Variants in FGF7 observed in about 807,000 individuals in gnomAD.
The protein encoded by FGF7 is FGF-7.
In FGF7, 6 loss-of-function variants were observed where a neutral mutation model predicts 20.5. The ratio of observed to expected loss-of-function variants is 0.29; its 90% CI spans 0.16 to 0.58. The LOEUF is 0.58. Ranked by LOEUF, FGF7 falls within the 20% of genes least tolerant of loss-of-function variation. FGF7 has a pLI of 0.90. For synonymous variants in FGF7, 64 were observed against 74.7 expected (o/e 0.86, Z 0.74); for missense variants, 144 against 228.8 (o/e 0.63, Z 2.39).
chr15:49,443,126 T>C (rs1346373405), intron 2 of FGF7, among the ~76,000 whole-genome samples: 2 of 151,838 alleles, frequency 1.3e-5, no homozygotes, highest in African/African-American at 2.4e-5. Context: ...CTCCTTGTAC[T>C]GGTCCATGAG....
chr15:49,477,765 T>C (rs1219754922), intron 2 of FGF7, among the ~76,000 whole-genome samples: 2 of 152,250 alleles, frequency 1.3e-5, no homozygotes, highest in Non-Finnish European at 2.9e-5. Flanking sequence ...TGTCTTCCCA[T>C]GTGACTGCAC....
At position 49,472,223 on chromosome 15, in the gene FGF7, T is replaced by A. The variant is rs563267094; in HGVS notation, c.287-10928T>A. 3.3e-5 allele frequency among the ~76,000 whole-genome samples: 5 copies of A among 152,304 alleles called. No individual in the cohort carries two copies. In the South Asian group the frequency reaches 1.0e-3, roughly 32 times the overall value. On this transcript the variant is annotated intron_variant, in intron 2 of 3. Coordinates refer to ENST00000267843, the MANE Select transcript of FGF7 (RefSeq NM_002009.4). ...ATTCAGTTTGGCTTAAAAAATTGTTTATTTCTCCATGCAATAAACATCTGG... is the reference window on the plus strand; with the variant it reads ...ATTCAGTTTGGCTTAAAAAATTGTTAATTTCTCCATGCAATAAACATCTGG...
At chr15:49,470,448 T>C (rs1453932291) in intron 2 of FGF7, among the ~76,000 whole-genome samples, 1 of 152,164 alleles carries the variant, frequency 6.6e-6, no homozygotes. Flanking sequence ...GATTTTCTTA[T>C]GCCAAATTTA....
intron 2 of FGF7, among the ~76,000 whole-genome samples, chr15:49,468,249 T>C: frequency 6.6e-6 from 1 of 152,152 alleles, no homozygotes; most frequent in Non-Finnish European, 1.5e-5. Context: ...TCCCTAATAA[T>C]GAGGATGATG....
In FGF7 at chr15:49,482,288, T is replaced by C. The variant is rs567518592; in HGVS notation, c.287-863T>C. ...TAAAACACAGGATTTAAGGAAGATA[T>C]ATATAATAAAGGAAAATAGTAAGTT... is the stretch of plus-strand genomic sequence containing the variant. On this transcript the variant is annotated intron_variant, in intron 2 of 3. Transcript: ENST00000267843. Among the ~76,000 whole-genome samples the C allele has an allele frequency of 3.3e-5, 5 of 152,224 alleles. No individual in the cohort carries two copies. In the South Asian group the frequency reaches 6.2e-4, roughly 19 times the overall value.
intron 2 of FGF7, among the ~76,000 whole-genome samples, chr15:49,476,658 C>T (rs542248671): frequency 2.3e-4 from 35 of 152,108 alleles, no homozygotes; most frequent in East Asian, 1.5e-3. Flanking sequence ...TGTAAAATGT[C>T]GGTACAAATA....
At chr15:49,482,133 G>C (rs1163186192) in intron 2 of FGF7, among the ~76,000 whole-genome samples, 2 of 152,080 alleles carry the variant, frequency 1.3e-5, no homozygotes, top group Non-Finnish European at 2.9e-5. Flanking sequence ...ATAGGTAAAA[G>C]AATGTCTCAG....
chr15:49,475,857 G>A lies in FGF7; in HGVS notation c.287-7294G>A, dbSNP rs188937940. 3.3e-3 allele frequency among the ~76,000 whole-genome samples: 506 copies of A among 152,168 alleles called. 1 individual carries two copies. Among genetic ancestry groups the A allele is most frequent in the Non-Finnish European group, 3.2e-3 (218 of 68,002 alleles). On this transcript the variant is annotated intron_variant, in intron 2 of 3. Coordinates refer to ENST00000267843, the MANE Select transcript of FGF7 (RefSeq NM_002009.4). ...ACAAAAATTAGGCGGTCGTGGTGGC[G>A]CATGCCTGTAATTGCAGCTACAAGG...
chr15:49,482,292 T>C (rs2056023544), intron 2 of FGF7, among the ~76,000 whole-genome samples: 1 of 152,074 alleles, frequency 6.6e-6, no homozygotes, highest in Non-Finnish European at 1.5e-5. Context: ...AAGATATATA[T>C]AATAAAGGAA....
intron 2 of FGF7, among the ~76,000 whole-genome samples, chr15:49,474,521 C>G (rs2055064753): frequency 6.6e-6 from 1 of 151,716 alleles, no homozygotes; most frequent in Admixed American, 6.6e-5. Flanking sequence ...ACAAAACAGT[C>G]AATAAAAGGT....
intron 2 of FGF7, among the ~76,000 whole-genome samples, chr15:49,478,277 A>C (rs1381592101): frequency 1.3e-5 from 2 of 151,430 alleles, no homozygotes; most frequent in Admixed American, 6.6e-5. Flanking sequence ...TCATATGCTT[A>C]TTTGCCCTTT....
rs56097665 is a variant in FGF7 at position 49,479,599 on chromosome 15, G to GTT, written c.287-3524_287-3523dup. Among the ~76,000 whole-genome samples, 79 of 63,328 alleles carry GTT rather than the reference G, an allele frequency of 1.2e-3. 8 individuals are homozygous for GTT. The highest frequency in any genetic ancestry group is 2.4e-3 in the African/African-American group (38 of 15,948). 41.5% of individuals were successfully genotyped at this position (63,328 alleles called of 152,430 possible). A position where few individuals can be genotyped will look rare whatever the true frequency, so the allele number is the denominator to read the frequency against. ...GTAGGATTTCATAGTTAATACCTCT[G>GTT]TTTTTTTTTTTTTTTTTTTTTTTTT... On this transcript the variant is annotated intron_variant, in intron 2 of 3. Coordinates refer to ENST00000267843, the MANE Select transcript of FGF7 (RefSeq NM_002009.4).
At chr15:49,453,561 C>A (rs1378358545) in intron 2 of FGF7, among the ~76,000 whole-genome samples, 1 of 152,194 alleles carries the variant, frequency 6.6e-6, no homozygotes, top group Non-Finnish European at 1.5e-5. Flanking sequence ...TTATGCAGGA[C>A]AGTTCAGTGT....
chr15:49,428,148 T>C (rs1330640988), intron 2 of FGF7, among the ~76,000 whole-genome samples: 2 of 151,890 alleles, frequency 1.3e-5, no homozygotes, highest in African/African-American at 2.4e-5. Flanking sequence ...TTCTGACTCT[T>C]GAGGGGACAG....
intron 2 of FGF7, among the ~76,000 whole-genome samples, chr15:49,456,452 A>C (rs983196435): frequency 6.6e-6 from 1 of 152,170 alleles, no homozygotes; most frequent in Non-Finnish European, 1.5e-5. Context: ...TGTGGGTAAC[A>C]TACTTGAAGT....
rs1567367103 is a variant in FGF7, at chr15:49,483,144, C to T, written c.287-7C>T. On this transcript the variant is annotated splice_polypyrimidine_tract_variant and splice_region_variant and intron_variant, in intron 2 of 3. Transcript: ENST00000267843. ...TATTTGACATGTCTTTCTGTGATTC[C>T]TTGCAGATATCATGGAAATCAGGAC... 6.7e-7 allele frequency: 1 copy of T among 1,482,410 alleles called. No individual in the cohort carries two copies. 91.8% of individuals were successfully genotyped at this position (1,482,410 alleles called of 1,614,324 possible). A position where few individuals can be genotyped will look rare whatever the true frequency, so the allele number is the denominator to read the frequency against.
At position 49,424,180 on chromosome 15, in the gene FGF7, CT is replaced by C; in HGVS notation, c.-115del. On this transcript the variant is annotated 5_prime_UTR_variant, in exon 2 of 4. It introduces an in-frame stop codon into an upstream open reading frame of the 5' UTR. Transcript: ENST00000267843. ...TAACAATTTGGAAAGAGCAACTACT[CT>C]TTCTTAAATCAATCTACAATTCACA... 1 of 925,258 alleles carries C rather than the reference CT, an allele frequency of 1.1e-6. No homozygotes were observed. The highest frequency in any genetic ancestry group is 1.6e-6 in the Non-Finnish European group (1 of 610,376). The allele number at this position is 925,258 out of a possible 1,614,324, so 57.3% of individuals were successfully genotyped here.
rs568726764 is a variant in FGF7, at chr15:49,441,573, T to C, written c.286+16990T>C. Among the ~76,000 whole-genome samples, 22 of 151,678 alleles carry C rather than the reference T, an allele frequency of 1.5e-4. No individual in the cohort carries two copies. The South Asian group carries it at 3.5e-3, about 24-fold the overall frequency. ...ACAAAGATTAGTTAGGATTTCCATA[T>C]ATAGAGAGAAAAGGAGAGTGCATTT... On this transcript the variant is annotated intron_variant, in intron 2 of 3. Coordinates refer to ENST00000267843, the MANE Select transcript of FGF7 (RefSeq NM_002009.4).
At chr15:49,465,539 T>C (rs141897865) in intron 2 of FGF7, among the ~76,000 whole-genome samples, 15 of 152,074 alleles carry the variant, frequency 9.9e-5, no homozygotes, top group East Asian at 5.8e-4. Flanking sequence ...ATAATATGAG[T>C]GTTGCATGTT....
Sources: gnomAD v4.1 joint callset for allele counts (sites outside exome capture counted in the v4.1 genomes callset) on GRCh38, gnomAD v4.1.1 for gene constraint, MANE v1.5 for transcripts, NCBI Gene and HGNC (gene_info 2026-07-23, HGNC 2026-07-21) for gene names.